The following PRORP variants were observed in gnomAD, a reference collection of about 807,000 sequenced individuals.
PRORP encodes protein only RNase P catalytic subunit, also known as mitochondrial ribonuclease P catalytic subunit.
Under a neutral mutation model 59.4 loss-of-function variants are expected in PRORP, and 51 were observed. The observed-to-expected ratio is 0.86, with a 90% CI of 0.69 to 1.08. PRORP has a LOEUF of 1.08. Ranked by LOEUF, PRORP falls within the 50% of genes least tolerant of loss-of-function variation. The pLI is 0.00. For synonymous variants in PRORP, 231 were observed against 245.6 expected (o/e 0.94, Z 0.55); for missense variants, 646 against 690.3 (o/e 0.94, Z 0.72).
At position 35,266,803 on chromosome 14, in the gene PRORP, G is replaced by A. The variant is rs543311710; in HGVS notation, c.1352G>A (p.Arg451Gln). Residue 451 changes from arginine (R) to glutamine (Q), a missense_variant, in exon 6 of 8, where the codon CGG (arginine) becomes CAG (glutamine). By Grantham distance (43) the Arg-to-Gln change is conservative. Transcript: ENST00000534898. ...CTAGGCCGGAAGCACATGCTAAGAC[G>A]GAGTTCCCAGTGGAGTCGGGATGAG... ...LVLGRKHMLR[R>Q]SSQWSRDEME... The A allele has an allele frequency of 5.6e-6, 9 of 1,614,022 alleles. No homozygotes were observed. Among genetic ancestry groups the A allele is most frequent in the South Asian group, 3.3e-5 (3 of 91,084 alleles).
intron 5 of PRORP, among the ~76,000 whole-genome samples, chr14:35,243,076 C>T (rs1448001273): frequency 6.6e-6 from 1 of 152,158 alleles, no homozygotes; most frequent in African/African-American, 2.4e-5. Context: ...TATCCTATGG[C>T]TTCAAGTACC....
chr14:35,245,060 G>A (rs2050451830), intron 5 of PRORP, among the ~76,000 whole-genome samples: 1 of 152,116 alleles, frequency 6.6e-6, no homozygotes, highest in African/African-American at 2.4e-5. Context: ...CAAAACAGAG[G>A]GTTTACCACA....
At chr14:35,262,576 C>T (rs2050932898) in intron 5 of PRORP, 9 of 706,634 alleles carry the variant, frequency 1.3e-5, no homozygotes, top group Non-Finnish European at 2.4e-5. Context: ...GGATTTCAAT[C>T]ACATCAGTGT....
At chr14:35,229,765 C>T (rs1281748461) in intron 5 of PRORP, among the ~76,000 whole-genome samples, 2 of 152,110 alleles carry the variant, frequency 1.3e-5, no homozygotes, top group African/African-American at 4.8e-5. Flanking sequence ...GCTTAATTGA[C>T]ATGTTCTTTG....
At chr14:35,210,874 C>T (rs2049425296) in intron 5 of PRORP, among the ~76,000 whole-genome samples, 1 of 149,780 alleles carries the variant, frequency 6.7e-6, no homozygotes, top group South Asian at 2.1e-4. Context: ...AGCTATCCTC[C>T]CACCTCAGCC....
intron 5 of PRORP, among the ~76,000 whole-genome samples, chr14:35,197,891 C>A (rs2049048056): frequency 6.6e-6 from 1 of 152,170 alleles, no homozygotes; most frequent in African/African-American, 2.4e-5. Context: ...GCACAAAATG[C>A]ATATGGTGAA....
chr14:35,193,096 C>T (rs897205844), intron 5 of PRORP, among the ~76,000 whole-genome samples: 2 of 151,958 alleles, frequency 1.3e-5, no homozygotes, highest in African/African-American at 4.8e-5. Context: ...TGCTTTTGTT[C>T]TTTGTTCCTT....
At chr14:35,207,285 A>G (rs188382050) in intron 5 of PRORP, among the ~76,000 whole-genome samples, 84 of 152,362 alleles carry the variant, frequency 5.5e-4, no homozygotes, top group African/African-American at 2.0e-3. Flanking sequence ...TTGAATGTAA[A>G]ATAAAAAGAC....
chr14:35,220,250 G>A (rs1034979868), intron 5 of PRORP, among the ~76,000 whole-genome samples: 8 of 152,088 alleles, frequency 5.3e-5, no homozygotes, highest in African/African-American at 1.9e-4. Flanking sequence ...GGAGTTTCAG[G>A]TTTGTAGTCA....
chr14:35,219,829 G>A (rs1348121347), intron 5 of PRORP, among the ~76,000 whole-genome samples: 2 of 152,154 alleles, frequency 1.3e-5, no homozygotes, highest in Non-Finnish European at 2.9e-5. Flanking sequence ...AGCTTTCCAT[G>A]TGGTAGCTTC....
At chr14:35,151,677 C>CAG (rs144331570) in intron 4 of PRORP, among the ~76,000 whole-genome samples, 12 of 142,402 alleles carry the variant, frequency 8.4e-5, no homozygotes, top group African/African-American at 2.8e-4. Flanking sequence ...CACACACACA[C>CAG]AGAGCTTTTA....
At chr14:35,196,309 C>T (rs1019024260) in intron 5 of PRORP, among the ~76,000 whole-genome samples, 3 of 152,068 alleles carry the variant, frequency 2.0e-5, no homozygotes, top group Admixed American at 2.0e-4. Context: ...ACCCCCCTGC[C>T]CCCTGCCATG....
At chr14:35,156,633 C>T (rs1449187395) in intron 4 of PRORP, among the ~76,000 whole-genome samples, 1 of 152,196 alleles carries the variant, frequency 6.6e-6, no homozygotes, top group Non-Finnish European at 1.5e-5. Flanking sequence ...AAAGTGCATT[C>T]TGTCATATCA....
At chr14:35,153,225 C>CA (rs1050797054) in intron 4 of PRORP, among the ~76,000 whole-genome samples, 2 of 152,244 alleles carry the variant, frequency 1.3e-5, no homozygotes, top group Non-Finnish European at 2.9e-5. Context: ...CCGTCTCCAC[C>CA]AAAAAAATAC....
intron 5 of PRORP, among the ~76,000 whole-genome samples, chr14:35,240,294 CTTTTTTTTTT>C (rs3058452): frequency 2.7e-5 from 3 of 109,430 alleles, no homozygotes; most frequent in Admixed American, 1.0e-4. Flanking sequence ...TTTAAACCAT[CTTTTTTTTTT>C]TTTTTTTTTG....
At chr14:35,244,204 T>C (rs140396587) in intron 5 of PRORP, among the ~76,000 whole-genome samples, 5 of 152,340 alleles carry the variant, frequency 3.3e-5, no homozygotes, top group Admixed American at 3.3e-4. Flanking sequence ...CTCATTGTTA[T>C]GTTATATTGA....
chr14:35,267,706 G>A (rs1315450715), intron 6 of PRORP, among the ~76,000 whole-genome samples: 5 of 151,966 alleles, frequency 3.3e-5, no homozygotes, highest in African/African-American at 7.3e-5. Context: ...GCGTGAACCC[G>A]GGAGGCGGAG....
intron 4 of PRORP, among the ~76,000 whole-genome samples, chr14:35,152,362 CTCTA>C (rs2047779330): frequency 6.6e-6 from 1 of 152,250 alleles, no homozygotes; most frequent in Admixed American, 6.5e-5. Context: ...AATCTGATTT[CTCTA>C]TCTTTTCCCC....
At chr14:35,126,625 C>A in intron 2 of PRORP, 110 bp from the exon 3 acceptor site, 1 of 774,444 alleles carries the variant, frequency 1.3e-6, no homozygotes, top group Admixed American at 2.7e-5. Flanking sequence ...ACAGAAGTAT[C>A]TTGAACTTTT....
Sources: gnomAD v4.1 joint callset for allele counts (sites outside exome capture counted in the v4.1 genomes callset) on GRCh38, gnomAD v4.1.1 for gene constraint, MANE v1.5 for transcripts, NCBI Gene and HGNC (gene_info 2026-07-23, HGNC 2026-07-21) for gene names.